Variants in CACNA2D1 observed in about 807,000 individuals in gnomAD.
CACNA2D1 encodes calcium voltage-gated channel auxiliary subunit alpha2delta 1.
In CACNA2D1, 53 loss-of-function variants were observed where a neutral mutation model predicts 171.5. That is an observed-to-expected ratio of 0.31 (90% CI 0.25 to 0.39). CACNA2D1 has a LOEUF of 0.39. Ranked by LOEUF, CACNA2D1 falls within the 10% of genes least tolerant of loss-of-function variation. The probability of loss-of-function intolerance (pLI) is 1.00; values close to 1 mark genes in which losing one functional copy is unlikely to be tolerated. For missense variants in CACNA2D1, 903 were observed against 1,299.8 expected, an observed-to-expected ratio of 0.69 and a Z score of 4.69; for synonymous variants, 442 against 443.1, an observed-to-expected ratio of 1.00 and a Z score of 0.03.
intron 2 of CACNA2D1, among the ~76,000 whole-genome samples, chr7:82,344,387 C>A (rs995434132): frequency 2.6e-5 from 4 of 152,180 alleles, no homozygotes; most frequent in Admixed American, 2.6e-4. Context: ...TTTAGAGTAA[C>A]AATAAATAAT....
intron 1 of CACNA2D1, among the ~76,000 whole-genome samples, chr7:82,414,446 A>G (rs1342607847): frequency 6.6e-6 from 1 of 152,206 alleles, no homozygotes; most frequent in Admixed American, 6.5e-5. Context: ...GAAGTGGTTA[A>G]GGAAACATGA....
intron 10 of CACNA2D1, chr7:82,050,740 A>T: frequency 1.5e-6 from 1 of 667,408 alleles, no homozygotes; most frequent in Admixed American, 2.1e-5. Context: ...GGAAGATGAC[A>T]CTAAATAACA....
chr7:82,193,479 C>A (rs1266506146), intron 3 of CACNA2D1, among the ~76,000 whole-genome samples: 1 of 151,766 alleles, frequency 6.6e-6, no homozygotes. Flanking sequence ...ATATTTAAGT[C>A]TAAAAAGATT....
intron 10 of CACNA2D1, among the ~76,000 whole-genome samples, chr7:82,051,676 A>ATT (rs1476355314): frequency 1.3e-5 from 2 of 152,098 alleles, no homozygotes; most frequent in Non-Finnish European, 2.9e-5. Context: ...ATCCATATAC[A>ATT]TTTTCCCATC....
intron 5 of CACNA2D1, among the ~76,000 whole-genome samples, chr7:82,127,834 A>G (rs1790509498): frequency 2.0e-5 from 3 of 152,190 alleles, no homozygotes; most frequent in Non-Finnish European, 4.4e-5. Flanking sequence ...ATATCCAGTA[A>G]GGCCATATGT....
chr7:82,111,631 G>C (rs1563066085), intron 6 of CACNA2D1, among the ~76,000 whole-genome samples: 1 of 150,808 alleles, frequency 6.6e-6, no homozygotes, highest in Admixed American at 6.6e-5. Context: ...AATTTGTTTA[G>C]AGAGACAGAG....
At chr7:82,338,121 T>C (rs1307567990) in intron 2 of CACNA2D1, among the ~76,000 whole-genome samples, 1 of 152,170 alleles carries the variant, frequency 6.6e-6, no homozygotes, top group Non-Finnish European at 1.5e-5. Context: ...TAATTAAGTC[T>C]ACAGTTCCAA....
chr7:82,133,283 T>C (rs1791217955), intron 5 of CACNA2D1, among the ~76,000 whole-genome samples: 1 of 152,162 alleles, frequency 6.6e-6, no homozygotes, highest in Non-Finnish European at 1.5e-5. Flanking sequence ...CACAGATATG[T>C]AAACAACCTC....
At chr7:82,175,229 G>A (rs544763063) in intron 3 of CACNA2D1, among the ~76,000 whole-genome samples, 2 of 151,956 alleles carry the variant, frequency 1.3e-5, no homozygotes, top group East Asian at 1.9e-4. Flanking sequence ...CTCCCATAAT[G>A]TTGGTACTCT....
At position 82,069,686 on chromosome 7, in the gene CACNA2D1, T is replaced by C. The variant is rs1474595217; in HGVS notation, c.659-3162A>G. 3.4e-5 allele frequency among the ~76,000 whole-genome samples: 5 copies of C among 145,242 alleles called. No homozygotes were observed. The East Asian group carries it at 1.0e-3, about 30-fold the overall frequency. ...TTTTAGTGCCATTTTCTGGTTAACATGGTCTAAAAATAATAGCGAAGTACC... is the reference window on the plus strand; with the variant it reads ...TTTTAGTGCCATTTTCTGGTTAACACGGTCTAAAAATAATAGCGAAGTACC... On this transcript the variant is annotated intron_variant, in intron 7 of 38. Transcript: ENST00000356860.
At chr7:82,387,064 T>C (rs1824490898) in intron 1 of CACNA2D1, among the ~76,000 whole-genome samples, 1 of 152,114 alleles carries the variant, frequency 6.6e-6, no homozygotes. Flanking sequence ...TGTTTAATTA[T>C]TAATTATTAT....
At chr7:82,293,678 C>A (rs939598744) in intron 3 of CACNA2D1, among the ~76,000 whole-genome samples, 4 of 152,206 alleles carry the variant, frequency 2.6e-5, no homozygotes, top group African/African-American at 9.7e-5. Context: ...CATCTCTTAG[C>A]TCCAGCTATC....
intron 12 of CACNA2D1, among the ~76,000 whole-genome samples, chr7:82,015,048 A>G (rs1800280194): frequency 6.6e-6 from 1 of 152,080 alleles, no homozygotes; most frequent in Non-Finnish European, 1.5e-5. Flanking sequence ...GCGAAACTCC[A>G]TTTCAAAAAA....
chr7:82,126,699 GAAACTCACC>G (rs1384173676), intron 5 of CACNA2D1, among the ~76,000 whole-genome samples: 2 of 152,150 alleles, frequency 1.3e-5, no homozygotes. Context: ...CCAAGGAACT[GAAACTCACC>G]AAATCACCAC....
At chr7:82,442,722 C>G (rs1427159546) in intron 1 of CACNA2D1, among the ~76,000 whole-genome samples, 1 of 152,204 alleles carries the variant, frequency 6.6e-6, no homozygotes, top group Non-Finnish European at 1.5e-5. Flanking sequence ...TCTGCCGACA[C>G]TTAGATGTTT....
At position 82,393,760 on chromosome 7, in the gene CACNA2D1, A is replaced by T. The variant is rs529551204; in HGVS notation, c.96-44111T>A. Reference sequence around the variant, plus strand: ...CAGGATAAAACTCTTAAAACATTGTAAAAAAATTATTCCTAATATTCGAAA... The same window carrying T: ...CAGGATAAAACTCTTAAAACATTGTTAAAAAATTATTCCTAATATTCGAAA... On this transcript the variant is annotated intron_variant, in intron 1 of 38. Transcript: ENST00000356860. Among the ~76,000 whole-genome samples, 3 of 152,332 alleles carry T rather than the reference A, an allele frequency of 2.0e-5. No individual in the cohort carries two copies. In the South Asian group the frequency reaches 6.2e-4, roughly 32 times the overall value.
chr7:82,155,759 G>C, intron 4 of CACNA2D1, among the ~76,000 whole-genome samples: 1 of 152,104 alleles, frequency 6.6e-6, no homozygotes, highest in Non-Finnish European at 1.5e-5. Flanking sequence ...GACAAAGAGT[G>C]AAAAGGTGCA....
chr7:81,967,112 G>A, intron 31 of CACNA2D1, 57 bp downstream of exon 31: 17 of 1,322,072 alleles, frequency 1.3e-5, no homozygotes, highest in Non-Finnish European at 1.8e-5. Context: ...TATAGTCTTA[G>A]CAAGAGTAAC....
intron 5 of CACNA2D1, among the ~76,000 whole-genome samples, chr7:82,123,800 T>C (rs762792687): frequency 5.3e-5 from 8 of 152,196 alleles, no homozygotes; most frequent in African/African-American, 1.4e-4. Flanking sequence ...TTGTAAATGA[T>C]ACATAAAGTT....
Sources: gnomAD v4.1 joint callset for allele counts (sites outside exome capture counted in the v4.1 genomes callset) on GRCh38, gnomAD v4.1.1 for gene constraint, MANE v1.5 for transcripts, NCBI Gene and HGNC (gene_info 2026-07-23, HGNC 2026-07-21) for gene names.